The following DNAH14 variants were observed in gnomAD, a reference collection of about 807,000 sequenced individuals.
DNAH14 encodes the protein axonemal beta dynein heavy chain 14.
Under a neutral mutation model 520.9 loss-of-function variants are expected in DNAH14, and 478 were observed. The observed-to-expected ratio is 0.92, with a 90% CI of 0.85 to 0.99. The LOEUF (loss-of-function observed/expected upper bound fraction) is 0.99. Among genes scored for constraint, DNAH14 ranks in the 50% least tolerant of loss-of-function variants. The pLI is 0.00. For synonymous variants in DNAH14, 1,581 were observed against 1,757.2 expected, an observed-to-expected ratio of 0.90 and a Z score of 2.51; for missense variants, 4,831 against 5,234.5, an observed-to-expected ratio of 0.92 and a Z score of 2.38.
intron 42 of DNAH14, among the ~76,000 whole-genome samples, chr1:225,239,981 C>T (rs1014651737): frequency 6.6e-6 from 1 of 152,170 alleles, no homozygotes; most frequent in Non-Finnish European, 1.5e-5. Context: ...TTTCATGATC[C>T]TACCAACCAT....
At chr1:225,176,149 T>G (rs2083310061) in intron 36 of DNAH14, among the ~76,000 whole-genome samples, 1 of 152,204 alleles carries the variant, frequency 6.6e-6, no homozygotes, top group Admixed American at 6.5e-5. Context: ...ATGTGGTGTT[T>G]CCATTTTCAT....
chr1:225,268,054 G>T (rs1318175953), intron 49 of DNAH14, among the ~76,000 whole-genome samples: 2 of 152,174 alleles, frequency 1.3e-5, no homozygotes, highest in East Asian at 3.9e-4. Context: ...ACAAAGGCTG[G>T]CCATTCTAGA....
At position 225,051,601 on chromosome 1, in the gene DNAH14, G is replaced by A; in HGVS notation, c.2230G>A (p.Glu744Lys). The A allele has an allele frequency of 6.4e-7, 1 of 1,550,888 alleles. No homozygotes were observed. Among genetic ancestry groups the A allele is most frequent in the Non-Finnish European group, 8.7e-7 (1 of 1,146,600 alleles). Residue 744 changes from glutamate to lysine, a missense_variant, in exon 17 of 86, where the codon GAA becomes AAA. Transcript: ENST00000682510. ...GGGAGAATTAACTTCAAAAGAATTT[G>A]AAGCTATTCTAAATAGATTCAGAAA... ...SMGELTSKEF[E>K]AILNRFRNYF...
At chr1:225,341,263 C>G (rs2095173274) in intron 69 of DNAH14, among the ~76,000 whole-genome samples, 1 of 152,060 alleles carries the variant, frequency 6.6e-6, no homozygotes, top group African/African-American at 2.4e-5. Context: ...TGCCACCACA[C>G]CCGACTTAAT....
intron 8 of DNAH14, among the ~76,000 whole-genome samples, chr1:224,983,424 A>G (rs570255548): frequency 2.6e-5 from 4 of 152,304 alleles, no homozygotes; most frequent in South Asian, 2.1e-4. Context: ...AAAGCCGTCT[A>G]TGACAAACCC....
chr1:224,959,345 T>C (rs1467611176), intron 3 of DNAH14, among the ~76,000 whole-genome samples: 1 of 151,990 alleles, frequency 6.6e-6, no homozygotes, highest in Non-Finnish European at 1.5e-5. Context: ...ACAGGAGAGG[T>C]CTGTGGTCTC....
intron 81 of DNAH14, among the ~76,000 whole-genome samples, chr1:225,382,655 A>C (rs749878229): frequency 7.9e-5 from 12 of 152,048 alleles, no homozygotes; most frequent in Non-Finnish European, 1.6e-4. Flanking sequence ...CAGAGGTTGC[A>C]GTGAACTGAG....
intron 23 of DNAH14, among the ~76,000 whole-genome samples, chr1:225,101,874 T>C (rs866568750): frequency 1.2e-4 from 18 of 151,694 alleles, no homozygotes; most frequent in Non-Finnish European, 4.4e-5. Flanking sequence ...GGTATATACC[T>C]AACAGTGGAA....
At chr1:225,156,536 C>A (rs1483679150) in intron 34 of DNAH14, among the ~76,000 whole-genome samples, 1 of 152,082 alleles carries the variant, frequency 6.6e-6, no homozygotes, top group Non-Finnish European at 1.5e-5. Context: ...AGTAACATAA[C>A]CTCAGCTCTA....
At chr1:225,074,357 G>T (rs2071977199) in intron 17 of DNAH14, among the ~76,000 whole-genome samples, 1 of 152,232 alleles carries the variant, frequency 6.6e-6, no homozygotes, top group South Asian at 2.1e-4. Context: ...ATTGGCTGGA[G>T]AACCTGGTTT....
chr1:225,022,054 G>A (rs1028152515), intron 10 of DNAH14, among the ~76,000 whole-genome samples: 4 of 152,174 alleles, frequency 2.6e-5, no homozygotes, highest in Non-Finnish European at 5.9e-5. Flanking sequence ...GCCATATTCA[G>A]AAGATTGAAA....
rs6656908 is a variant in DNAH14, at chr1:225,281,940, T to G, written c.8271+4438T>G. ...CACTGTATTATATACTTGAAATTTG[T>G]TAAGAGGGTAGATCTTAATATTCAT... On this transcript the variant is annotated intron_variant, in intron 54 of 85. Coordinates refer to ENST00000682510, the MANE Select transcript of DNAH14 (RefSeq NM_001367479.1). Among the ~76,000 whole-genome samples, 761 of 152,234 alleles carry G rather than the reference T, an allele frequency of 5.0e-3. 6 individuals are homozygous for G. The highest frequency in any genetic ancestry group is 0.017 in the African/African-American group (718 of 41,540).
intron 68 of DNAH14, 52 bp from the exon 69 acceptor site, chr1:225,340,404 CA>C (rs1188272423): frequency 3.4e-6 from 5 of 1,461,560 alleles, no homozygotes; most frequent in Admixed American, 2.6e-5. Context: ...TAAATTGGTT[CA>C]TTTTTTTCTT....
At chr1:225,292,781 G>A (rs151033203) in intron 55 of DNAH14, among the ~76,000 whole-genome samples, 16 of 152,078 alleles carry the variant, frequency 1.1e-4, no homozygotes, top group Admixed American at 3.9e-4. Flanking sequence ...TTCTATCAGC[G>A]TTTTGCAGTT....
intron 21 of DNAH14, among the ~76,000 whole-genome samples, chr1:225,086,809 A>C (rs1221384779): frequency 2.0e-5 from 3 of 152,206 alleles, no homozygotes; most frequent in Non-Finnish European, 1.5e-5. Context: ...ATATACAGGA[A>C]ATGTAAGCTA....
intron 35 of DNAH14, among the ~76,000 whole-genome samples, chr1:225,160,733 C>G (rs1205912397): frequency 6.6e-6 from 1 of 152,094 alleles, no homozygotes; most frequent in African/African-American, 2.4e-5. Context: ...TTTGCTCAGT[C>G]ATTTCTTATT....
intron 37 of DNAH14, among the ~76,000 whole-genome samples, chr1:225,190,192 TG>T (rs2085248409): frequency 6.6e-6 from 1 of 151,936 alleles, no homozygotes; most frequent in Admixed American, 6.6e-5. Flanking sequence ...TTTATAAATT[TG>T]ACACAGTAAA....
At chr1:225,253,141 G>A (rs750666198) in intron 44 of DNAH14, among the ~76,000 whole-genome samples, 3 of 152,108 alleles carry the variant, frequency 2.0e-5, no homozygotes, top group Non-Finnish European at 2.9e-5. Flanking sequence ...ATTTGTTTTC[G>A]TTGGAAATGC....
rs1236956447 is a variant in DNAH14, at chr1:225,090,002, AAAG to A, written c.3573+4220_3573+4222del. ...AGAAATAAAAAATGTCCAGATTGAAAAAGAAGAAGTAAAATATCATTTGTATTC... is the reference window on the plus strand; with the variant it reads ...AGAAATAAAAAATGTCCAGATTGAAAAAGAAGTAAAATATCATTTGTATTC... On this transcript the variant is annotated intron_variant, in intron 21 of 85. Coordinates refer to ENST00000682510, the MANE Select transcript of DNAH14 (RefSeq NM_001367479.1). Among the ~76,000 whole-genome samples the A allele has an allele frequency of 3.3e-5, 5 of 152,310 alleles. No homozygotes were observed. In the East Asian group the frequency reaches 5.8e-4, roughly 18 times the overall value.
Sources: allele counts gnomAD v4.1 joint callset (sites outside exome capture counted in the v4.1 genomes callset), GRCh38; gene constraint gnomAD v4.1.1; transcripts MANE v1.5; gene names NCBI Gene and HGNC (gene_info 2026-07-23, HGNC 2026-07-21).